The following GNPAT variants were observed in gnomAD, a reference collection of about 807,000 sequenced individuals.
The protein encoded by GNPAT is glyceronephosphate O-acyltransferase.
GNPAT carries 30 observed loss-of-function variants against 78.4 expected under a neutral mutation model. That is an observed-to-expected ratio of 0.38 (90% CI 0.29 to 0.52). The LOEUF is 0.52. Ranked by LOEUF, GNPAT falls within the 20% of genes least tolerant of loss-of-function variation. The pLI is 0.84. For synonymous variants in GNPAT, 271 were observed against 281.1 expected (o/e 0.96, Z 0.36); for missense variants, 714 against 812.2 (o/e 0.88, Z 1.47).
At chr1:231,273,787 T>C (rs1685633273) in intron 11 of GNPAT, 135 bp from the exon 12 acceptor site, 1 of 722,648 alleles carries the variant, frequency 1.4e-6, no homozygotes, top group Non-Finnish European at 2.5e-6. Flanking sequence ...TGGTATTCTG[T>C]TGTCTGAGGG....
At position 231,241,305 on chromosome 1, in the gene GNPAT, G is replaced by C; in HGVS notation, c.-74G>C. ...CGAAGTAGGGCCGTCCTGAGCGAAA[G>C]AACCGCCCCCAGCAGGAGCACCACC... On this transcript the variant is annotated 5_prime_UTR_variant, in exon 1 of 16. Transcript: ENST00000366647. 1 of 1,441,640 alleles carries C rather than the reference G, an allele frequency of 6.9e-7. No individual in the cohort carries two copies. The highest frequency in any genetic ancestry group is 9.8e-7 in the Non-Finnish European group (1 of 1,022,644). 89.3% of individuals were successfully genotyped at this position (1,441,640 alleles called of 1,614,324 possible).
rs141382884 is a variant in GNPAT, at chr1:231,259,424, G to T, written c.262-1083G>T. ...GCAATTTTGGAGGCTGAGGCGGGCG[G>T]ATCACCTGAGGTCGGGAGTTCAAGA... On this transcript the variant is annotated intron_variant, in intron 2 of 15. Coordinates refer to ENST00000366647, the MANE Select transcript of GNPAT (RefSeq NM_014236.4). Among the ~76,000 whole-genome samples the T allele has an allele frequency of 5.4e-3, 815 of 151,988 alleles. 7 individuals are homozygous for T. Among genetic ancestry groups the T allele is most frequent in the African/African-American group, 0.019 (770 of 41,518 alleles).
rs1158850531 is a variant in GNPAT at position 231,265,408 on chromosome 1, A to G, written c.684A>G (p.Lys228=). 6.2e-7 allele frequency: 1 copy of G among 1,608,558 alleles called. No homozygotes were observed. The highest frequency in any genetic ancestry group is 1.1e-5 in the South Asian group (1 of 91,000). ...LYWAVFSEYV[K]TMLRNGYAPV... ...GGGCTGTATTCTCTGAATATGTAAAAACTATGTTACGGGTAAATGCAAATA... is the reference window on the plus strand; with the variant it reads ...GGGCTGTATTCTCTGAATATGTAAAGACTATGTTACGGGTAAATGCAAATA... The change falls in exon 5 of 16, where the codon AAA becomes AAG. Residue 228 remains lysine (K), a synonymous_variant. Coordinates refer to ENST00000366647, the MANE Select transcript of GNPAT (RefSeq NM_014236.4).
chr1:231,249,943 AAG>A (rs1226598429), intron 1 of GNPAT, among the ~76,000 whole-genome samples: 1 of 152,092 alleles, frequency 6.6e-6, no homozygotes, highest in Non-Finnish European at 1.5e-5. Flanking sequence ...GGGGCTGAAT[AAG>A]AAATAAAAAA....
Position 231,241,242 on chromosome 1 carries a change from T to A in GNPAT, c.-137T>A. On this transcript the variant is annotated 5_prime_UTR_variant, in exon 1 of 16. Transcript: ENST00000366647. Reference sequence around the variant, plus strand: ...CTGGCTGAGATGGCGGCGCCCGGGATCCTGTGTAGCGGCTGCAGAGGGTGC... The same window carrying A: ...CTGGCTGAGATGGCGGCGCCCGGGAACCTGTGTAGCGGCTGCAGAGGGTGC... 2 of 1,468,992 alleles carry A rather than the reference T, an allele frequency of 1.4e-6. No individual in the cohort carries two copies. Among genetic ancestry groups the A allele is most frequent in the Non-Finnish European group, 1.9e-6 (2 of 1,050,538 alleles). 91.0% of individuals were successfully genotyped at this position (1,468,992 alleles called of 1,614,324 possible). A position where few individuals can be genotyped will look rare whatever the true frequency, so the allele number is the denominator to read the frequency against.
At chr1:231,251,168 G>A in intron 2 of GNPAT, 25 bp downstream of exon 2, 1 of 1,417,316 alleles carries the variant, frequency 7.1e-7, no homozygotes, top group South Asian at 1.3e-5. Context: ...CTTCAACCAT[G>A]GCCAGATTTG....
chr1:231,263,627 G>A (rs1253554828), intron 4 of GNPAT, among the ~76,000 whole-genome samples: 2 of 152,046 alleles, frequency 1.3e-5, no homozygotes, highest in Non-Finnish European at 2.9e-5. Context: ...TGGAATTGCT[G>A]GGTCTTGTGG....
chr1:231,251,292 A>G (rs1190592650), intron 2 of GNPAT, 149 bp downstream of exon 2: 5 of 596,506 alleles, frequency 8.4e-6, no homozygotes, highest in African/African-American at 1.9e-5. Context: ...CGTGTGTGTT[A>G]GCCTCTTGCT....
chr1:231,275,563 A>C, intron 14 of GNPAT, 65 bp downstream of exon 14: 1 of 906,806 alleles, frequency 1.1e-6, no homozygotes, highest in Non-Finnish European at 1.9e-6. Flanking sequence ...TTTGAGCTCA[A>C]AATCCAGAGA....
At chr1:231,251,256 C>A in intron 2 of GNPAT, 113 bp downstream of exon 2, 1 of 664,034 alleles carries the variant, frequency 1.5e-6, no homozygotes, top group Non-Finnish European at 2.7e-6. Flanking sequence ...CTGTATTCAT[C>A]ACATTTATCA....
Position 231,276,934 on chromosome 1 carries a change from G to C in GNPAT, c.2000-565G>C, listed in dbSNP as rs118166232. ...GTACCTAATCTTAATTCAGTACCTC[G>C]TCAAACCTGCATGGAAGAGCTTTAG... On this transcript the variant is annotated intron_variant, in intron 15 of 15. Coordinates refer to ENST00000366647, the MANE Select transcript of GNPAT (RefSeq NM_014236.4). Among the ~76,000 whole-genome samples the C allele has an allele frequency of 6.0e-4, 91 of 152,234 alleles. 1 individual carries two copies. In the East Asian group the frequency reaches 0.017, roughly 28 times the overall value.
intron 2 of GNPAT, among the ~76,000 whole-genome samples, chr1:231,254,554 G>C (rs1323277200): frequency 6.6e-6 from 1 of 151,288 alleles, no homozygotes; most frequent in Non-Finnish European, 1.5e-5. Flanking sequence ...CCATCCTCCT[G>C]CCTCAGCCTC....
chr1:231,255,432 T>C (rs536056065), intron 2 of GNPAT, among the ~76,000 whole-genome samples: 236 of 152,236 alleles, frequency 1.6e-3, no homozygotes, highest in African/African-American at 5.4e-3. Context: ...AATTGATTTG[T>C]GTTATTCTTT....
intron 15 of GNPAT, among the ~76,000 whole-genome samples, chr1:231,277,136 T>C (rs1467312064): frequency 6.6e-6 from 1 of 152,222 alleles, no homozygotes; most frequent in Non-Finnish European, 1.5e-5. Context: ...TTATATCGTG[T>C]CTGAAGAGGT....
intron 1 of GNPAT, among the ~76,000 whole-genome samples, chr1:231,246,250 A>G (rs569850275): frequency 6.6e-6 from 1 of 152,332 alleles, no homozygotes; most frequent in East Asian, 1.9e-4. Flanking sequence ...CAAATGCTAT[A>G]ACTCAGAGCT....
At chr1:231,268,256 T>TTGCAAGCCGAGCTTGCAG (rs1448883912) in intron 9 of GNPAT, among the ~76,000 whole-genome samples, 1 of 151,936 alleles carries the variant, frequency 6.6e-6, no homozygotes, top group East Asian at 2.0e-4. Flanking sequence ...TGAGCCGAGA[T>TTGCAAGCCGAGCTTGCAG]TGTGCCACTG....
intron 10 of GNPAT, 120 bp downstream of exon 10, chr1:231,271,120 C>G: frequency 8.4e-7 from 1 of 1,192,794 alleles, no homozygotes; most frequent in South Asian, 1.2e-5. Flanking sequence ...GCAGGCCTAT[C>G]ACTGAGAAAA....
At chr1:231,242,643 G>C (rs1399234880) in intron 1 of GNPAT, among the ~76,000 whole-genome samples, 1 of 152,202 alleles carries the variant, frequency 6.6e-6, no homozygotes, top group African/African-American at 2.4e-5. Flanking sequence ...AAGGGAAGAG[G>C]GTTGCTGTGC....
At position 231,251,183 on chromosome 1, in the gene GNPAT, T is replaced by C. The variant is rs932249274; in HGVS notation, c.261+40T>C. On this transcript the variant is annotated intron_variant, in intron 2 of 15. Coordinates refer to ENST00000366647, the MANE Select transcript of GNPAT (RefSeq NM_014236.4). ...CTTCAACCATGGCCAGATTTGTTCA[T>C]TGTCAACAAGTTCTTAATTCTATAA... 5 of 1,239,476 alleles carry C rather than the reference T, an allele frequency of 4.0e-6. No homozygotes were observed. The East Asian group carries it at 1.2e-4, about 29-fold the overall frequency. 76.8% of individuals were successfully genotyped at this position (1,239,476 alleles called of 1,614,324 possible).
Sources: gnomAD v4.1 joint callset for allele counts (sites outside exome capture counted in the v4.1 genomes callset) on GRCh38, gnomAD v4.1.1 for gene constraint, MANE v1.5 for transcripts, NCBI Gene and HGNC (gene_info 2026-07-23, HGNC 2026-07-21) for gene names.